GCDH: variants seen among roughly 807,000 people sequenced by gnomAD.
GCDH encodes the protein glutaryl-CoA dehydrogenase.
In GCDH, 31 loss-of-function variants were observed where a neutral mutation model predicts 52.8. The observed-to-expected ratio is 0.59, with a 90% CI of 0.44 to 0.79. GCDH has a LOEUF of 0.79. Ranked by LOEUF, GCDH falls within the 30% of genes least tolerant of loss-of-function variation. The pLI, the probability that GCDH is intolerant of heterozygous loss-of-function variation, is 0.00. For missense variants in GCDH, 509 were observed against 595.0 expected, an observed-to-expected ratio of 0.86 and a Z score of 1.50; for synonymous variants, 242 against 250.0, an observed-to-expected ratio of 0.97 and a Z score of 0.30.
chr19:12,898,449 CAGAG>C (rs898226453), intron 11 of GCDH: 4 of 158,200 alleles, frequency 2.5e-5, no homozygotes, highest in African/African-American at 9.7e-5. Context: ...TGCTTCCAGA[CAGAG>C]AGAACAGCAA....
intron 11 of GCDH, chr19:12,898,996 C>G (rs1239365305): frequency 3.9e-5 from 14 of 358,428 alleles, no homozygotes; most frequent in Non-Finnish European, 7.5e-5. Context: ...CCTCCTATCC[C>G]TCCCGAGGGT....
chr19:12,899,757 A>G lies in GCDH; in HGVS notation c.*216A>G, dbSNP rs1970791890. 1.2e-6 allele frequency: 2 copies of G among 1,609,608 alleles called. No homozygotes were observed. Among genetic ancestry groups the G allele is most frequent in the Non-Finnish European group, 1.7e-6 (2 of 1,176,832 alleles). On this transcript the variant is annotated 3_prime_UTR_variant, in exon 12 of 12. Transcript: ENST00000222214. ...AATTCTCTGTAGAGCGTCTCAATCC[A>G]CTTTTAACCATGGATGAGAGCAGAC...
At chr19:12,898,051 T>A (rs1015375910) in intron 11 of GCDH, 188 bp downstream of exon 11, 12 of 627,502 alleles carry the variant, frequency 1.9e-5, no homozygotes, top group Non-Finnish European at 3.5e-5. Context: ...AGTGAAGTGC[T>A]TCATGCAGCA....
chr19:12,894,739 TA>T, intron 6 of GCDH: 1 of 833,242 alleles, frequency 1.2e-6, no homozygotes. Context: ...TTAAGAAAAA[TA>T]AAGAAGAGGC....
At position 12,896,102 on chromosome 19, in the gene GCDH, C is replaced by T. The variant is rs757533581; in HGVS notation, c.616C>T (p.Leu206Phe). 3.1e-6 allele frequency: 5 copies of T among 1,614,098 alleles called. No individual in the cohort carries two copies. Among genetic ancestry groups the T allele is most frequent in the Non-Finnish European group, 4.2e-6 (5 of 1,180,018 alleles). ...HYNSSNKSYT[L>F]NGTKTWITNS... ...CAACTCATCCAACAAGAGCTACACC[C>T]TCAATGGGACCAAGACCTGGTAAGG... is the stretch of plus-strand genomic sequence containing the variant. Residue 206 changes from leucine to phenylalanine, a missense_variant, in exon 7 of 12, where the codon CTC becomes TTC. By Grantham distance (22) the Leu-to-Phe change is conservative. Transcript: ENST00000222214. This position sits in a 1 kb window ranked among gnomAD's most constrained non-coding sequence, Gnocchi z 5.5.
intron 6 of GCDH, 121 bp downstream of exon 6, chr19:12,893,774 C>A: frequency 1.1e-6 from 1 of 921,876 alleles, no homozygotes; most frequent in Non-Finnish European, 1.7e-6. Flanking sequence ...AAGTGGCCAC[C>A]TGGACCCCCG....
At position 12,893,637 on chromosome 19, in the gene GCDH, G is replaced by A. The variant is rs1198939173; in HGVS notation, c.489G>A (p.Lys163=). Residue 163 remains lysine, a synonymous_variant, in exon 6 of 12, where the codon AAG becomes AAA. Coordinates refer to ENST00000222214, the MANE Select transcript of GCDH (RefSeq NM_000159.4). ...YAYGSEEQRQ[K]YLPQLAKGEL... ...ATGGCAGCGAGGAACAGCGGCAGAA[G>A]TACCTGCCCCAGCTGGGTGAGTGGC... 3 of 1,613,942 alleles carry A rather than the reference G, an allele frequency of 1.9e-6. No homozygotes were observed. Among genetic ancestry groups the A allele is most frequent in the African/African-American group, 2.7e-5 (2 of 74,926 alleles).
At position 12,899,739 on chromosome 19, in the gene GCDH, T is replaced by C. The variant is rs1568431444; in HGVS notation, c.*198T>C. 1.2e-6 allele frequency: 2 copies of C among 1,611,890 alleles called. No individual in the cohort carries two copies. Among genetic ancestry groups the C allele is most frequent in the Non-Finnish European group, 1.7e-6 (2 of 1,178,884 alleles). On this transcript the variant is annotated 3_prime_UTR_variant, in exon 12 of 12. Transcript: ENST00000222214. ...TCCTTAAAAAGAAGATGGAATTCTC[T>C]GTAGAGCGTCTCAATCCACTTTTAA... is the stretch of plus-strand genomic sequence containing the variant.
rs1970671544 is a variant in GCDH at position 12,896,121 on chromosome 19, G to A, written c.635G>A (p.Trp212Ter). 1 of 1,614,112 alleles carries A rather than the reference G, an allele frequency of 6.2e-7. No homozygotes were observed. Among genetic ancestry groups the A allele is most frequent in the Non-Finnish European group, 8.5e-7 (1 of 1,180,016 alleles). ...TACACCCTCAATGGGACCAAGACCT[G>A]GTAAGGGTTCTGGGTGGTGGGCAGG... ...KSYTLNGTKT[W>*]ITNSPMADLF... Residue 212 changes from tryptophan (W) to a stop codon, truncating the protein, a stop_gained and splice_region_variant, in exon 7 of 12, where the codon TGG becomes TAG. Coordinates refer to ENST00000222214, the MANE Select transcript of GCDH (RefSeq NM_000159.4). LOFTEE classifies it high-confidence loss of function. This position sits in a 1 kb window ranked among gnomAD's most constrained non-coding sequence, Gnocchi z 5.5.
At chr19:12,894,766 A>G in intron 6 of GCDH, 1 of 825,074 alleles carries the variant, frequency 1.2e-6, no homozygotes, top group Non-Finnish European at 1.9e-6. Context: ...AATATGCTAA[A>G]CTTTTGGCCA....
chr19:12,891,673 T>TTC, intron 3 of GCDH, 151 bp downstream of exon 3: 1 of 1,603,690 alleles, frequency 6.2e-7, no homozygotes, highest in Non-Finnish European at 8.5e-7. Context: ...GAGTGCGCTG[T>TTC]GCCTGCGGGG....
intron 11 of GCDH, among the ~76,000 whole-genome samples, chr19:12,898,576 G>A (rs1452072314): frequency 6.6e-6 from 1 of 151,230 alleles, no homozygotes; most frequent in Non-Finnish European, 1.5e-5. Context: ...AGGACAAGCA[G>A]CGGGCGCCAT....
At chr19:12,891,604 C>T (rs1970558339) in intron 3 of GCDH, 82 bp downstream of exon 3, 3 of 1,612,606 alleles carry the variant, frequency 1.9e-6, no homozygotes, top group Non-Finnish European at 2.5e-6. Context: ...TCCCAGAATC[C>T]GAGAGCTGCC....
rs772854526 is a variant in GCDH, at chr19:12,896,294, T to C, written c.725T>C (p.Met242Thr). 6 of 1,613,946 alleles carry C rather than the reference T, an allele frequency of 3.7e-6. No homozygotes were observed. In the South Asian group the frequency reaches 5.5e-5, roughly 15 times the overall value. The change falls in exon 8 of 12, where the codon ATG becomes ACG. Residue 242 changes from methionine (M) to threonine (T), a missense_variant. By Grantham distance (81) the Met-to-Thr change is moderately conservative (BLOSUM62 -1). Transcript: ENST00000222214. This position sits in a 1 kb window ranked among gnomAD's most constrained non-coding sequence, Gnocchi z 5.5. ...CGGGGCTTCCTGCTGGAGAAGGGGA[T>C]GCGGGGTCTCTCGGCCCCCAGGATC... ...CIRGFLLEKG[M>T]RGLSAPRIQG...
intron 3 of GCDH, 137 bp downstream of exon 3, chr19:12,891,659 C>T (rs1970559358): frequency 6.2e-7 from 1 of 1,606,250 alleles, no homozygotes; most frequent in South Asian, 1.1e-5. Flanking sequence ...GGCACTAAGG[C>T]AGTGAGTGCG....
chr19:12,894,556 C>T, intron 6 of GCDH: 2 of 657,964 alleles, frequency 3.0e-6, no homozygotes, highest in Non-Finnish European at 5.5e-6. Context: ...CTAGCAGAAT[C>T]CGTAAACTTT....
chr19:12,895,208 A>G (rs1431791475), intron 6 of GCDH, among the ~76,000 whole-genome samples: 1 of 152,082 alleles, frequency 6.6e-6, no homozygotes, highest in African/African-American at 2.4e-5. Context: ...GTCTCTTGAA[A>G]GCAGGGCCAG....
chr19:12,894,650 G>A, intron 6 of GCDH: 1 of 766,518 alleles, frequency 1.3e-6, no homozygotes, highest in South Asian at 1.8e-5. Flanking sequence ...TAGGACCAAA[G>A]CACCCAAGAT....
rs1970575048 is a variant in GCDH, at chr19:12,892,185, A to G, written c.334+7A>G. On this transcript the variant is annotated splice_region_variant and intron_variant, in intron 5 of 11. Transcript: ENST00000222214. ...CTGGGCCCCACCATCAAAGGTAGGA[A>G]CAAGTATCTCTCCACACACTGCAGA... The G allele has an allele frequency of 1.9e-6, 3 of 1,611,184 alleles. No homozygotes were observed. The highest frequency in any genetic ancestry group is 2.7e-5 in the African/African-American group (2 of 74,872).
Sources: allele counts gnomAD v4.1 joint callset (sites outside exome capture counted in the v4.1 genomes callset), GRCh38; gene constraint gnomAD v4.1.1; non-coding constraint Gnocchi (gnomAD v3.1); transcripts MANE v1.5; gene names NCBI Gene and HGNC (gene_info 2026-07-23, HGNC 2026-07-21).